Variants in TMEM50B observed in about 807,000 individuals in gnomAD.
The protein encoded by TMEM50B is transmembrane protein 50B, also known as HCV p7-trans-regulated protein 3.
TMEM50B carries 14 observed loss-of-function variants against 23.4 expected under a neutral mutation model. The observed-to-expected ratio is 0.60, with a 90% CI of 0.39 to 0.93. The LOEUF is 0.93. TMEM50B is among the 40% of genes least tolerant of loss of function. The pLI is 0.00. For synonymous variants in TMEM50B, 64 were observed against 62.3 expected (o/e 1.03, Z -0.13); for missense variants, 159 against 193.0 (o/e 0.82, Z 1.04).
At chr21:33,456,523 T>C (rs999911448) in intron 5 of TMEM50B, among the ~76,000 whole-genome samples, 2 of 152,250 alleles carry the variant, frequency 1.3e-5, no homozygotes, top group African/African-American at 4.8e-5. Context: ...TTGTGGATTA[T>C]TAACTTTTGT....
chr21:33,448,195 A>G (rs933168618), downstream of TMEM50B, among the ~76,000 whole-genome samples: 2 of 151,970 alleles, frequency 1.3e-5, no homozygotes, highest in Admixed American at 6.6e-5. Context: ...GGGTTTCAGT[A>G]TGTTGGCCAG....
At chr21:33,455,849 T>C in intron 5 of TMEM50B, 65 bp from the exon 6 acceptor site, 4 of 1,112,322 alleles carry the variant, frequency 3.6e-6, no homozygotes, top group South Asian at 2.5e-5. Flanking sequence ...AAAGTATCAG[T>C]GCCATTCATA....
Position 33,432,787 on chromosome 21 carries a change from C to T in TMEM50B, c.*2136G>A, listed in dbSNP as rs566154275. ...CGTTGCTGTCGGTGCTGGCAGGAGC[C>T]TGTTTCTTCCTGGTCCTGAAATATA... On this transcript the variant is annotated 3_prime_UTR_variant and NMD_transcript_variant, in exon 9 of 9. Transcript: ENST00000420455. 7 of 1,613,914 alleles carry T rather than the reference C, an allele frequency of 4.3e-6. No homozygotes were observed. In the Admixed American group the frequency reaches 5.0e-5, roughly 12 times the overall value.
At chr21:33,455,016 CT>C (rs2084156676) in intron 6 of TMEM50B, among the ~76,000 whole-genome samples, 1 of 152,098 alleles carries the variant, frequency 6.6e-6, no homozygotes, top group African/African-American at 2.4e-5. Flanking sequence ...ACTCGGGAGG[CT>C]GAGGCATGGG....
intron 1 of TMEM50B, among the ~76,000 whole-genome samples, chr21:33,474,249 C>G (rs541735671): frequency 6.6e-6 from 1 of 151,950 alleles, no homozygotes; most frequent in South Asian, 2.1e-4. Flanking sequence ...GTTGTCCAAG[C>G]TGGTCTTAAA....
At chr21:33,466,222 G>C (rs2084263171) in intron 3 of TMEM50B, among the ~76,000 whole-genome samples, 1 of 152,114 alleles carries the variant, frequency 6.6e-6, no homozygotes, top group African/African-American at 2.4e-5. Context: ...GATCACACCA[G>C]TGTGGTCCAG....
At chr21:33,478,838 G>A (rs1407187903) in intron 1 of TMEM50B, 4 of 471,008 alleles carry the variant, frequency 8.5e-6, no homozygotes, top group Non-Finnish European at 1.8e-5. Flanking sequence ...AAGTGTGACC[G>A]GCCTGAGAGT....
intron 5 of TMEM50B, among the ~76,000 whole-genome samples, chr21:33,457,025 C>T (rs187937157): frequency 8.0e-4 from 121 of 152,020 alleles, no homozygotes; most frequent in Middle Eastern, 3.4e-3. Flanking sequence ...GGGGCCGAGG[C>T]GGGTAGATCA....
At position 33,460,244 on chromosome 21, in the gene TMEM50B, A is replaced by C. The variant is rs569748548; in HGVS notation, c.373+169T>G. 4.4e-4 allele frequency: 265 copies of C among 608,318 alleles called. 1 individual carries two copies. The African/African-American group carries it at 4.7e-3, about 11-fold the overall frequency. The allele number at this position is 608,318 out of a possible 1,614,324, so 37.7% of individuals were successfully genotyped here. A position where few individuals can be genotyped will look rare whatever the true frequency, so the allele number is the denominator to read the frequency against. ...TTCCTAACCAGGGCTATCCTACTGCACTAAGTGTTCCCACTGACAAGTTTT... is the reference window on the plus strand; with the variant it reads ...TTCCTAACCAGGGCTATCCTACTGCCCTAAGTGTTCCCACTGACAAGTTTT... On this transcript the variant is annotated intron_variant, in intron 5 of 6. Coordinates refer to ENST00000542230, the MANE Select transcript of TMEM50B (RefSeq NM_006134.7).
At chr21:33,457,507 T>C (rs531772169) in intron 5 of TMEM50B, among the ~76,000 whole-genome samples, 1 of 151,716 alleles carries the variant, frequency 6.6e-6, no homozygotes, top group East Asian at 1.9e-4. Context: ...AAAAATTAGC[T>C]GGGAGTCGTG....
intron 8 of TMEM50B, among the ~76,000 whole-genome samples, chr21:33,435,438 C>T (rs1287161650): frequency 6.6e-6 from 1 of 152,152 alleles, no homozygotes; most frequent in East Asian, 1.9e-4. Flanking sequence ...CAAGGAAGAA[C>T]TTGCTTTTCT....
chr21:33,442,010 T>A (rs976876954), intron 7 of TMEM50B, among the ~76,000 whole-genome samples: 5 of 96,406 alleles, frequency 5.2e-5, no homozygotes, highest in South Asian at 3.2e-4. Flanking sequence ...CAGGGTTTTT[T>A]ATTTGTTTGC....
intron 1 of TMEM50B, among the ~76,000 whole-genome samples, chr21:33,473,937 T>C (rs2084342646): frequency 6.6e-6 from 1 of 152,086 alleles, no homozygotes; most frequent in Non-Finnish European, 1.5e-5. Context: ...AGACCATATA[T>C]TGTGTGATTC....
At chr21:33,453,136 T>C (rs1294280408) in intron 6 of TMEM50B, among the ~76,000 whole-genome samples, 1 of 152,158 alleles carries the variant, frequency 6.6e-6, no homozygotes, top group Non-Finnish European at 1.5e-5. Flanking sequence ...TCTCGCTCTG[T>C]TGCTCAGCAA....
At chr21:33,436,804 A>T in intron 8 of TMEM50B, 1 of 1,611,114 alleles carries the variant, frequency 6.2e-7, no homozygotes, top group South Asian at 1.1e-5. Context: ...ACTAATTACA[A>T]TTTTGCTTTC....
At chr21:33,433,813 G>T (rs1043882656) in intron 8 of TMEM50B, among the ~76,000 whole-genome samples, 2 of 151,970 alleles carry the variant, frequency 1.3e-5, no homozygotes. Flanking sequence ...ATGGCATGGG[G>T]TTGGCTAAAA....
At position 33,468,865 on chromosome 21, in the gene TMEM50B, A is replaced by G. The variant is rs2084288058; in HGVS notation, c.21T>C (p.Asn7=). The part of the protein sequence containing the change: MAGFLD[N]FRWPECECID... The stretch of plus-strand genomic sequence containing the variant: ...TACATTCACATTCTGGCCAACGAAA[A>G]TTATCTAGGAAGCCTGCCATTTTTA... Residue 7 remains asparagine (N), a synonymous_variant, in exon 2 of 7, where the codon AAT becomes AAC. Transcript: ENST00000542230. 6.2e-7 allele frequency: 1 copy of G among 1,613,772 alleles called. No individual in the cohort carries two copies. The highest frequency in any genetic ancestry group is 8.5e-7 in the Non-Finnish European group (1 of 1,179,932).
downstream of TMEM50B, among the ~76,000 whole-genome samples, chr21:33,445,083 C>CA (rs1219767078): frequency 0.1 from 6,713 of 64,654 alleles, 526 homozygotes; most frequent in African/African-American, 0.28. Context: ...GACCCAGTCT[C>CA]AAAAAAAAAA....
chr21:33,478,908 G>A (rs955044721), intron 1 of TMEM50B: 2 of 439,088 alleles, frequency 4.6e-6, no homozygotes, highest in Admixed American at 5.7e-5. Context: ...GTCTGAGAAG[G>A]GAGATGGGAT....
Sources: gnomAD v4.1 joint callset for allele counts (sites outside exome capture counted in the v4.1 genomes callset) on GRCh38, gnomAD v4.1.1 for gene constraint, MANE v1.5 for transcripts, NCBI Gene and HGNC (gene_info 2026-07-23, HGNC 2026-07-21) for gene names.